MCHR2: variants seen among roughly 807,000 people sequenced by gnomAD.
MCHR2 encodes the protein melanin-concentrating hormone receptor 2.
A neutral mutation model predicts 24.8 loss-of-function variants in MCHR2; 15 were observed. That is an observed-to-expected ratio of 0.60 (90% CI 0.40 to 0.93). The LOEUF (loss-of-function observed/expected upper bound fraction) is 0.93. Ranked by LOEUF, MCHR2 falls within the 40% of genes least tolerant of loss-of-function variation. MCHR2 has a pLI of 0.00. For missense variants in MCHR2, 386 were observed against 408.7 expected, an observed-to-expected ratio of 0.94 and a Z score of 0.48; for synonymous variants, 151 against 147.6, an observed-to-expected ratio of 1.02 and a Z score of -0.17.
intron 5 of MCHR2, among the ~76,000 whole-genome samples, chr6:99,931,653 A>T (rs1428892280): frequency 1.3e-5 from 2 of 152,134 alleles, no homozygotes; most frequent in African/African-American, 4.8e-5. Flanking sequence ...TGTGCAGGAT[A>T]TAATCTCCTG....
chr6:99,994,143 GAACAGCCA>G lies in MCHR2; in HGVS notation c.-243_-236del, dbSNP rs1272573293. On this transcript the variant is annotated 5_prime_UTR_variant, in exon 1 of 6. An upstream open reading frame in the 5' UTR gains an earlier in-frame stop. Coordinates refer to ENST00000281806, the MANE Select transcript of MCHR2 (RefSeq NM_001040179.2). ...TTCCAAAGCGGGGGTCCAGGCACAG[GAACAGCCA>G]AACGCCCGAACCAGCGGGGTTACCT... 1 of 152,314 alleles carries G rather than the reference GAACAGCCA, an allele frequency of 6.6e-6. No individual in the cohort carries two copies. The highest frequency in any genetic ancestry group is 1.5e-5 in the Non-Finnish European group (1 of 68,138). The allele number at this position is 152,314 out of a possible 1,614,324, so 9.4% of individuals were successfully genotyped here.
chr6:99,919,763 T>C lies in MCHR2; in HGVS notation c.*1177A>G, dbSNP rs1218979930. ...TTTTTTTTGAGATGACGTCTCACTC[T>C]ATTGCCCAAGCTGGAGTGCAGTGGC... On this transcript the variant is annotated 3_prime_UTR_variant, in exon 6 of 6. Coordinates refer to ENST00000281806, the MANE Select transcript of MCHR2 (RefSeq NM_001040179.2). The C allele has an allele frequency of 6.7e-6, 1 of 150,164 alleles. No homozygotes were observed. Among genetic ancestry groups the C allele is most frequent in the African/African-American group, 2.4e-5 (1 of 41,014 alleles). 9.3% of individuals were successfully genotyped at this position (150,164 alleles called of 1,614,324 possible).
intron 1 of MCHR2, among the ~76,000 whole-genome samples, chr6:99,968,735 A>G (rs1458792332): frequency 3.3e-5 from 5 of 152,162 alleles, no homozygotes; most frequent in African/African-American, 1.2e-4. Context: ...TATCCTTGTT[A>G]TAAAACAAAG....
chr6:99,944,216 C>T (rs907772423), intron 3 of MCHR2, among the ~76,000 whole-genome samples: 14 of 152,158 alleles, frequency 9.2e-5, no homozygotes, highest in African/African-American at 2.4e-4. Context: ...ATTAATCAAA[C>T]TTGAAATTCT....
chr6:99,978,381 T>C (rs769101871), intron 1 of MCHR2, among the ~76,000 whole-genome samples: 1 of 151,896 alleles, frequency 6.6e-6, no homozygotes, highest in Admixed American at 6.6e-5. Context: ...CACTTGCCCA[T>C]CTTACAGAGT....
chr6:99,949,959 T>A (rs916632555), intron 2 of MCHR2, among the ~76,000 whole-genome samples: 3 of 151,864 alleles, frequency 2.0e-5, no homozygotes, highest in Non-Finnish European at 4.4e-5. Context: ...TATAAATAGA[T>A]GTTATTTTCA....
At chr6:99,933,737 T>C (rs1366532834) in intron 5 of MCHR2, among the ~76,000 whole-genome samples, 2 of 152,102 alleles carry the variant, frequency 1.3e-5, no homozygotes, top group Non-Finnish European at 2.9e-5. Flanking sequence ...ATTTAAAATA[T>C]AATGTTTAAT....
chr6:99,950,901 T>C (rs551276356), intron 2 of MCHR2, among the ~76,000 whole-genome samples: 150 of 152,296 alleles, frequency 9.8e-4, no homozygotes, highest in African/African-American at 3.6e-3. Context: ...CTGCTGTGCT[T>C]GTCATTCGCC....
chr6:99,947,316 G>A (rs779166174), intron 3 of MCHR2, among the ~76,000 whole-genome samples: 1 of 152,126 alleles, frequency 6.6e-6, no homozygotes, highest in Non-Finnish European at 1.5e-5. Context: ...GTATGAGACA[G>A]TGGACATATC....
chr6:99,984,837 G>T (rs556426725), intron 1 of MCHR2, among the ~76,000 whole-genome samples: 4 of 152,138 alleles, frequency 2.6e-5, no homozygotes, highest in Middle Eastern at 3.4e-3. Flanking sequence ...GGGCAAGCAG[G>T]CAAGAGAAAG....
At chr6:99,959,635 G>A (rs914659303) in intron 1 of MCHR2, among the ~76,000 whole-genome samples, 3 of 149,364 alleles carry the variant, frequency 2.0e-5, no homozygotes, top group African/African-American at 7.3e-5. Flanking sequence ...CAAAATGAGA[G>A]TTTCAGCAAA....
At chr6:99,946,725 A>G (rs565847207) in intron 3 of MCHR2, among the ~76,000 whole-genome samples, 1 of 152,274 alleles carries the variant, frequency 6.6e-6, no homozygotes, top group African/African-American at 2.4e-5. Flanking sequence ...AATATATTTG[A>G]ATCAAAGGAA....
chr6:99,931,521 A>T (rs1384408346), intron 5 of MCHR2, among the ~76,000 whole-genome samples: 2 of 151,976 alleles, frequency 1.3e-5, no homozygotes, highest in Non-Finnish European at 2.9e-5. Context: ...TGCTTTGTTT[A>T]CCTAAGAAAG....
At chr6:99,946,821 G>T (rs1255163987) in intron 3 of MCHR2, among the ~76,000 whole-genome samples, 1 of 152,156 alleles carries the variant, frequency 6.6e-6, no homozygotes, top group Non-Finnish European at 1.5e-5. Context: ...TAAGTGGGTT[G>T]TCCTAGAAGA....
intron 3 of MCHR2, among the ~76,000 whole-genome samples, chr6:99,943,980 A>G (rs2114523269): frequency 6.6e-6 from 1 of 152,266 alleles, no homozygotes; most frequent in African/African-American, 2.4e-5. Context: ...AGGCACATAG[A>G]ACAAACATTT....
At chr6:99,933,603 A>G (rs1366645020) in intron 5 of MCHR2, among the ~76,000 whole-genome samples, 1 of 151,374 alleles carries the variant, frequency 6.6e-6, no homozygotes, top group Non-Finnish European at 1.5e-5. Context: ...GTTTGCCACA[A>G]ATTTTGAGGA....
intron 1 of MCHR2, among the ~76,000 whole-genome samples, chr6:99,985,646 A>C (rs1775755543): frequency 6.6e-6 from 1 of 152,116 alleles, no homozygotes; most frequent in Non-Finnish European, 1.5e-5. Flanking sequence ...GGAATTGGAC[A>C]TGCATCTCTC....
chr6:99,972,149 CT>C (rs1322792086), intron 1 of MCHR2, among the ~76,000 whole-genome samples: 1 of 152,160 alleles, frequency 6.6e-6, no homozygotes, highest in Non-Finnish European at 1.5e-5. Context: ...CCAGCTCCTC[CT>C]TGTACCTCTG....
At position 99,921,103 on chromosome 6, in the gene MCHR2, C is replaced by A. The variant is rs374408720; in HGVS notation, c.860G>T (p.Gly287Val). ...GCTGAGACAGATGGAGAGGTAATAA[C>A]CCACATAGAAGGCCAGTGTGGGCTG... ...MEQPTLAFYV[G>V]YYLSICLSYA... The change falls in exon 6 of 6, where the codon GGT becomes GTT. Residue 287 changes from glycine to valine, a missense_variant. Gly to Val is a moderately radical substitution (Grantham distance 109, BLOSUM62 -3). Coordinates refer to ENST00000281806, the MANE Select transcript of MCHR2 (RefSeq NM_001040179.2). 3.7e-6 allele frequency: 6 copies of A among 1,614,136 alleles called. No homozygotes were observed. The African/African-American group carries it at 6.7e-5, about 18-fold the overall frequency.
Sources: allele counts gnomAD v4.1 joint callset (sites outside exome capture counted in the v4.1 genomes callset), GRCh38; gene constraint gnomAD v4.1.1; transcripts MANE v1.5; gene names NCBI Gene and HGNC (gene_info 2026-07-23, HGNC 2026-07-21).